The following ASIC2 variants were observed in gnomAD, a reference collection of about 807,000 sequenced individuals.
The protein encoded by ASIC2 is acid-sensing ion channel 2.
ASIC2 carries 25 observed loss-of-function variants against 57.3 expected under a neutral mutation model. That is an observed-to-expected ratio of 0.44 (90% CI 0.32 to 0.61). ASIC2 has a LOEUF of 0.61. Ranked by LOEUF, ASIC2 falls within the 20% of genes least tolerant of loss-of-function variation. The pLI, the probability that ASIC2 is intolerant of heterozygous loss-of-function variation, is 0.06. For missense variants in ASIC2, 641 were observed against 738.1 expected, an observed-to-expected ratio of 0.87 and a Z score of 1.52; for synonymous variants, 319 against 307.5, an observed-to-expected ratio of 1.04 and a Z score of -0.39.
chr17:33,990,251 G>T (rs1448633731), intron 1 of ASIC2, among the ~76,000 whole-genome samples: 1 of 152,142 alleles, frequency 6.6e-6, no homozygotes, highest in African/African-American at 2.4e-5. Context: ...ACCTCTGTGT[G>T]CCTCCATTTC....
At chr17:33,143,024 C>T (rs1904386903) in intron 1 of ASIC2, among the ~76,000 whole-genome samples, 1 of 152,170 alleles carries the variant, frequency 6.6e-6, no homozygotes, top group African/African-American at 2.4e-5. Flanking sequence ...TAGTGATGAG[C>T]TGCGAGAAGA....
At chr17:33,806,404 T>C (rs913916082) in intron 1 of ASIC2, among the ~76,000 whole-genome samples, 1 of 152,252 alleles carries the variant, frequency 6.6e-6, no homozygotes, top group South Asian at 2.1e-4. Context: ...AAGGACATTA[T>C]TAACTAACAA....
intron 1 of ASIC2, among the ~76,000 whole-genome samples, chr17:33,485,138 T>C (rs1369797093): frequency 1.3e-5 from 2 of 152,370 alleles, no homozygotes; most frequent in African/African-American, 4.8e-5. Context: ...GGGCTATGAT[T>C]TGATCTTAGG....
intron 1 of ASIC2, among the ~76,000 whole-genome samples, chr17:33,486,930 G>A (rs1320499865): frequency 2.0e-5 from 3 of 152,312 alleles, no homozygotes; most frequent in Admixed American, 6.5e-5. Flanking sequence ...GTGGAGATGC[G>A]CAGCACCCAA....
chr17:33,840,554 G>C (rs143153656), intron 1 of ASIC2, among the ~76,000 whole-genome samples: 2 of 152,168 alleles, frequency 1.3e-5, no homozygotes, highest in Admixed American at 6.5e-5. Flanking sequence ...GAGCTAAGAT[G>C]TTTGGAATTT....
chr17:33,784,251 G>A (rs1911541356), intron 1 of ASIC2, among the ~76,000 whole-genome samples: 1 of 152,170 alleles, frequency 6.6e-6, no homozygotes, highest in Admixed American at 6.5e-5. Flanking sequence ...GTTTGATGAG[G>A]GCATTCAGGG....
At chr17:33,830,863 C>T (rs1379814603) in intron 1 of ASIC2, among the ~76,000 whole-genome samples, 1 of 151,948 alleles carries the variant, frequency 6.6e-6, no homozygotes, top group African/African-American at 2.4e-5. Context: ...ATAATCCCAG[C>T]ATTTTAGGAG....
At chr17:33,971,150 C>T (rs966018804) in intron 1 of ASIC2, among the ~76,000 whole-genome samples, 3 of 152,222 alleles carry the variant, frequency 2.0e-5, no homozygotes, top group Non-Finnish European at 2.9e-5. Flanking sequence ...TGATTCACAG[C>T]CAAATACAGA....
intron 3 of ASIC2, among the ~76,000 whole-genome samples, chr17:33,039,438 A>G (rs2141915941): frequency 6.6e-6 from 1 of 152,238 alleles, no homozygotes; most frequent in Non-Finnish European, 1.5e-5. Context: ...CGTGGTCAAG[A>G]TTAAGCTGGC....
rs988006849 is a variant in ASIC2, at chr17:33,495,112, T to C, written c.556-383045A>G. ...AGGGAGAGAAGTGAGGGGTCCAGGG[T>C]GCAAAATTTAGGGAGGCATCTGCTA... On this transcript the variant is annotated intron_variant, in intron 1 of 9. Transcript: ENST00000359872. Among the ~76,000 whole-genome samples, 6 of 152,124 alleles carry C rather than the reference T, an allele frequency of 3.9e-5. 1 individual carries two copies. The highest frequency in any genetic ancestry group is 1.3e-4 in the Admixed American group (2 of 15,276).
chr17:34,127,692 C>T (rs755612), intron 1 of ASIC2, among the ~76,000 whole-genome samples: 85,737 of 152,078 alleles, frequency 0.56, 25,099 homozygotes, highest in African/African-American at 0.72. Flanking sequence ...TGCTGCAGGA[C>T]GGATGCAACA....
intron 1 of ASIC2, among the ~76,000 whole-genome samples, chr17:33,171,677 G>C (rs1399676321): frequency 6.6e-6 from 1 of 152,162 alleles, no homozygotes; most frequent in African/African-American, 2.4e-5. Context: ...ATCTGATCAA[G>C]TGCTCAAGGG....
chr17:33,970,364 C>T (rs7216275), intron 1 of ASIC2, among the ~76,000 whole-genome samples: 2,961 of 152,274 alleles, frequency 0.019, 100 homozygotes, highest in African/African-American at 0.068. Flanking sequence ...TTGACCAGGC[C>T]ACGCTCTCCT....
intron 1 of ASIC2, among the ~76,000 whole-genome samples, chr17:33,906,941 C>T (rs1034968531): frequency 6.6e-6 from 1 of 152,182 alleles, no homozygotes; most frequent in African/African-American, 2.4e-5. Flanking sequence ...TTTACTGATG[C>T]TCATGGCTGT....
At chr17:33,722,515 C>T (rs1909419422) in intron 1 of ASIC2, among the ~76,000 whole-genome samples, 1 of 151,784 alleles carries the variant, frequency 6.6e-6, no homozygotes, top group Non-Finnish European at 1.5e-5. Flanking sequence ...GCCTATAGTC[C>T]CAGTATTTTG....
chr17:33,974,272 T>G (rs1364594759), intron 1 of ASIC2, among the ~76,000 whole-genome samples: 1 of 152,174 alleles, frequency 6.6e-6, no homozygotes, highest in African/African-American at 2.4e-5. Context: ...AATTCCCAAG[T>G]CTCAGTGTCT....
intron 1 of ASIC2, among the ~76,000 whole-genome samples, chr17:33,938,852 C>G (rs1290292458): frequency 6.6e-6 from 1 of 152,230 alleles, no homozygotes. Flanking sequence ...GGGGTCTTTA[C>G]CCACTATGCC....
At chr17:33,664,806 C>G (rs1430819877) in intron 1 of ASIC2, among the ~76,000 whole-genome samples, 1 of 152,258 alleles carries the variant, frequency 6.6e-6, no homozygotes, top group East Asian at 1.9e-4. Context: ...ACAAAATAGA[C>G]AAGTGGCTTC....
intron 1 of ASIC2, among the ~76,000 whole-genome samples, chr17:33,578,369 T>C (rs563960991): frequency 7.4e-4 from 112 of 152,320 alleles, no homozygotes; most frequent in African/African-American, 2.6e-3. Context: ...TTTTTATTTA[T>C]AGGACACGTT....
Sources: gnomAD v4.1 joint callset for allele counts (sites outside exome capture counted in the v4.1 genomes callset) on GRCh38, gnomAD v4.1.1 for gene constraint, MANE v1.5 for transcripts, NCBI Gene and HGNC (gene_info 2026-07-23, HGNC 2026-07-21) for gene names.